Variants in COL23A1 observed in about 807,000 individuals in gnomAD.
COL23A1 encodes the protein collagen alpha-1(XXIII) chain.
In COL23A1, 97 loss-of-function variants were observed where a neutral mutation model predicts 99.3. The observed-to-expected ratio is 0.98, with a 90% CI of 0.83 to 1.16. The LOEUF (loss-of-function observed/expected upper bound fraction) is 1.16. Ranked by LOEUF, COL23A1 falls within the 50% of genes most tolerant of loss-of-function variation. The pLI is 0.00. For missense variants in COL23A1, 762 were observed against 757.4 expected, an observed-to-expected ratio of 1.01 and a Z score of -0.07; for synonymous variants, 320 against 308.2, an observed-to-expected ratio of 1.04 and a Z score of -0.40.
At chr5:178,393,913 T>C (rs1764097746) in intron 2 of COL23A1, among the ~76,000 whole-genome samples, 1 of 152,156 alleles carries the variant, frequency 6.6e-6, no homozygotes, top group Non-Finnish European at 1.5e-5. Flanking sequence ...AGGTGTGAGC[T>C]ACCAAGCCTG....
At chr5:178,510,495 C>G (rs777572430) in intron 2 of COL23A1, among the ~76,000 whole-genome samples, 4 of 152,074 alleles carry the variant, frequency 2.6e-5, no homozygotes, top group Non-Finnish European at 4.4e-5. Flanking sequence ...GAGCTGAGAT[C>G]GTGCCATTGT....
At chr5:178,262,342 C>A in intron 9 of COL23A1, 90 bp from the exon 10 acceptor site, 1 of 1,238,322 alleles carries the variant, frequency 8.1e-7, no homozygotes, top group Non-Finnish European at 1.2e-6. Flanking sequence ...GGCTGGGGCT[C>A]TAAGTACATT....
intron 2 of COL23A1, among the ~76,000 whole-genome samples, chr5:178,518,313 G>A (rs1274602664): frequency 6.7e-6 from 1 of 149,446 alleles, no homozygotes; most frequent in East Asian, 2.1e-4. Context: ...CACAGACACG[G>A]CAACCATCCG....
intron 20 of COL23A1, 135 bp downstream of exon 20, chr5:178,248,057 C>A: frequency 1.3e-6 from 1 of 746,004 alleles, no homozygotes; most frequent in Non-Finnish European, 2.3e-6. Flanking sequence ...AGAGGGGTCT[C>A]GCTCCCCTTA....
chr5:178,335,654 G>A (rs1008419133), intron 2 of COL23A1, among the ~76,000 whole-genome samples: 3 of 152,168 alleles, frequency 2.0e-5, no homozygotes, highest in African/African-American at 7.2e-5. Context: ...TCCCTATGAA[G>A]AGGAGAGACC....
rs772011282 is a variant in COL23A1 at position 178,262,384 on chromosome 5, C to T, written c.640-132G>A. ...TCTCATTCTCGCCAAACCTGAAGAG[C>T]GAGTATCACTGTCCCCACTCCACAG... is the stretch of plus-strand genomic sequence containing the variant. On this transcript the variant is annotated intron_variant, in intron 9 of 28. Coordinates refer to ENST00000390654, the MANE Select transcript of COL23A1 (RefSeq NM_173465.4). 2.5e-5 allele frequency: 20 copies of T among 802,092 alleles called. 1 individual carries two copies. The highest frequency in any genetic ancestry group is 1.5e-4 in the Admixed American group (6 of 40,930). The allele number at this position is 802,092 out of a possible 1,614,324, so 49.7% of individuals were successfully genotyped here.
intron 2 of COL23A1, among the ~76,000 whole-genome samples, chr5:178,488,411 C>T (rs1156742461): frequency 1.3e-5 from 2 of 152,222 alleles, no homozygotes; most frequent in South Asian, 2.1e-4. Context: ...TCTAAATTTG[C>T]GTGTGACCTC....
chr5:178,567,220 A>T (rs1263066920), intron 1 of COL23A1, among the ~76,000 whole-genome samples: 1 of 152,234 alleles, frequency 6.6e-6, no homozygotes, highest in African/African-American at 2.4e-5. Context: ...GAAGTTCTAC[A>T]AACAGTCATA....
intron 2 of COL23A1, among the ~76,000 whole-genome samples, chr5:178,322,078 C>T (rs1037858970): frequency 2.6e-4 from 39 of 151,598 alleles, no homozygotes; most frequent in Admixed American, 5.3e-4. Context: ...CTGCAACCTC[C>T]GCCTCCTGAG....
chr5:178,439,920 G>A lies in COL23A1; in HGVS notation c.361+120762C>T, dbSNP rs1205280737. On this transcript the variant is annotated intron_variant, in intron 2 of 28. Transcript: ENST00000390654. This position sits in a 1 kb window ranked among gnomAD's most constrained non-coding sequence, Gnocchi z 4.2. ...CTGAGTGACAGAAGCCAGACACAAA[G>A]GACTGGATTGTAGGAGTCCATGTGT... The A allele has an allele frequency of 1.3e-5, 2 of 152,192 alleles. No individual in the cohort carries two copies. The highest frequency in any genetic ancestry group is 4.8e-5 in the African/African-American group (2 of 41,428). 9.4% of individuals were successfully genotyped at this position (152,192 alleles called of 1,614,324 possible).
chr5:178,276,475 G>A (rs1756590572), intron 5 of COL23A1, among the ~76,000 whole-genome samples: 1 of 152,220 alleles, frequency 6.6e-6, no homozygotes, highest in Admixed American at 6.5e-5. Context: ...CACCCCAGAT[G>A]TTGACAATTC....
intron 6 of COL23A1, among the ~76,000 whole-genome samples, chr5:178,269,791 G>T (rs893002472): frequency 2.2e-5 from 2 of 89,500 alleles, no homozygotes; most frequent in Non-Finnish European, 4.3e-5. Flanking sequence ...CATCTATCCA[G>T]TCAGCATCCA....
chr5:178,571,116 C>G (rs1763072677), intron 1 of COL23A1, among the ~76,000 whole-genome samples: 1 of 152,176 alleles, frequency 6.6e-6, no homozygotes, highest in Non-Finnish European at 1.5e-5. Context: ...AATCCCAGCA[C>G]TTTGGGAGGC....
chr5:178,510,975 T>G (rs1759174326), intron 2 of COL23A1, among the ~76,000 whole-genome samples: 1 of 152,162 alleles, frequency 6.6e-6, no homozygotes, highest in Non-Finnish European at 1.5e-5. Flanking sequence ...TCACCCTAGG[T>G]AAGAAAATCA....
At chr5:178,518,499 G>C in intron 2 of COL23A1, among the ~76,000 whole-genome samples, 1 of 140,936 alleles carries the variant, frequency 7.1e-6, no homozygotes, top group South Asian at 2.3e-4. Context: ...CTCACCTCCC[G>C]GACGGGGTGG....
At chr5:178,556,277 C>G (rs181511600) in intron 2 of COL23A1, among the ~76,000 whole-genome samples, 1 of 151,936 alleles carries the variant, frequency 6.6e-6, no homozygotes, top group South Asian at 2.1e-4. Flanking sequence ...TGCGGGATAA[C>G]TGTTGCGTTA....
At chr5:178,287,206 G>A (rs972944829) in intron 5 of COL23A1, among the ~76,000 whole-genome samples, 2 of 152,204 alleles carry the variant, frequency 1.3e-5, no homozygotes, top group Admixed American at 1.3e-4. Context: ...GATGAGGGTG[G>A]GTCCCAGCTG....
At chr5:178,436,264 G>A (rs1561970560) in intron 2 of COL23A1, among the ~76,000 whole-genome samples, 1 of 152,194 alleles carries the variant, frequency 6.6e-6, no homozygotes, top group Non-Finnish European at 1.5e-5. Flanking sequence ...CTGGTGTTTA[G>A]TGCTATGGAC....
At chr5:178,446,308 T>C (rs916359926) in intron 2 of COL23A1, among the ~76,000 whole-genome samples, 2 of 150,274 alleles carry the variant, frequency 1.3e-5, no homozygotes, top group Non-Finnish European at 3.0e-5. Flanking sequence ...TAAAACTACA[T>C]GAAAAATAAT....
Sources: allele counts gnomAD v4.1 joint callset (sites outside exome capture counted in the v4.1 genomes callset), GRCh38; gene constraint gnomAD v4.1.1; non-coding constraint Gnocchi (gnomAD v3.1); transcripts MANE v1.5; gene names NCBI Gene and HGNC (gene_info 2026-07-23, HGNC 2026-07-21).